Variants in ENOX1 observed in about 807,000 individuals in gnomAD.
ENOX1 encodes ecto-NOX disulfide-thiol exchanger 1, also known as candidate growth-related and time keeping constitutive hydroquinone (NADH) oxidase.
In ENOX1, 42 loss-of-function variants were observed where a neutral mutation model predicts 82.5. That is an observed-to-expected ratio of 0.51 (90% CI 0.40 to 0.66). The LOEUF (loss-of-function observed/expected upper bound fraction) is 0.66, where lower values mean the gene tolerates loss of function less well. ENOX1 is among the 30% of genes least tolerant of loss of function. The pLI is 0.00. For missense variants in ENOX1, 608 were observed against 811.6 expected (o/e 0.75, Z 3.05); for synonymous variants, 271 against 282.2 (o/e 0.96, Z 0.40).
chr13:43,775,126 GC>G (rs1951840606), intron 1 of ENOX1, among the ~76,000 whole-genome samples: 1 of 152,050 alleles, frequency 6.6e-6, no homozygotes, highest in Non-Finnish European at 1.5e-5. Flanking sequence ...AGGATTACAG[GC>G]CTGAGCCACC....
intron 3 of ENOX1, among the ~76,000 whole-genome samples, chr13:43,436,034 T>A (rs1460081476): frequency 6.6e-6 from 1 of 152,138 alleles, no homozygotes; most frequent in Non-Finnish European, 1.5e-5. Context: ...ATCGGGAGCG[T>A]TGGAGGCTGC....
At chr13:43,721,114 T>C (rs1479241830) in intron 1 of ENOX1, among the ~76,000 whole-genome samples, 1 of 151,984 alleles carries the variant, frequency 6.6e-6, no homozygotes, top group Non-Finnish European at 1.5e-5. Flanking sequence ...AGAAGTGAAA[T>C]AAAAACAACT....
At chr13:43,616,186 C>CTAGATAGATATATATA (rs1566642235) in intron 2 of ENOX1, among the ~76,000 whole-genome samples, 1 of 6,972 alleles carries the variant, frequency 1.4e-4, no homozygotes, top group Admixed American at 3.8e-3. Context: ...ATCTATCTAT[C>CTAGATAGATATATATA]TATATATATA....
At chr13:43,727,116 T>G (rs1188586739) in intron 1 of ENOX1, among the ~76,000 whole-genome samples, 1 of 152,190 alleles carries the variant, frequency 6.6e-6, no homozygotes, top group Non-Finnish European at 1.5e-5. Context: ...GTGCTGGTAC[T>G]GAATTTCCAG....
chr13:43,295,335 T>C (rs2046229310), intron 12 of ENOX1, among the ~76,000 whole-genome samples: 1 of 152,170 alleles, frequency 6.6e-6, no homozygotes, highest in Admixed American at 6.5e-5. Context: ...GTATGAAACC[T>C]TTCATATTAT....
chr13:43,339,227 G>T (rs775051737), intron 9 of ENOX1, among the ~76,000 whole-genome samples: 1 of 152,306 alleles, frequency 6.6e-6, no homozygotes, highest in East Asian at 1.9e-4. Flanking sequence ...GACTTGTGAC[G>T]TTTTTCAAAC....
At position 43,725,999 on chromosome 13, in the gene ENOX1, C is replaced by A. The variant is rs141947396; in HGVS notation, c.-284-58455G>T. 1.7e-3 allele frequency among the ~76,000 whole-genome samples: 256 copies of A among 151,728 alleles called. 1 individual carries two copies. The highest frequency in any genetic ancestry group is 0.014 in the East Asian group (73 of 5,154). ...AAAAAGGTTCTGATTATCTTACTTT[C>A]TTTGGTAACCAGATACAGTCTCAGG... On this transcript the variant is annotated intron_variant, in intron 1 of 16. Coordinates refer to ENST00000690772, the MANE Select transcript of ENOX1 (RefSeq NM_001347969.2).
chr13:43,447,761 A>G (rs2056737929), intron 3 of ENOX1, among the ~76,000 whole-genome samples: 2 of 152,182 alleles, frequency 1.3e-5, no homozygotes, highest in African/African-American at 4.8e-5. Context: ...GTAGTTTTGA[A>G]GTTATATTTT....
intron 1 of ENOX1, among the ~76,000 whole-genome samples, chr13:43,761,348 C>A (rs557925015): frequency 6.6e-6 from 1 of 152,136 alleles, no homozygotes; most frequent in Non-Finnish European, 1.5e-5. Context: ...AAGAAAATAC[C>A]CTCATGTTTC....
chr13:43,421,531 T>C (rs982077433), intron 3 of ENOX1, among the ~76,000 whole-genome samples: 2 of 152,178 alleles, frequency 1.3e-5, no homozygotes, highest in East Asian at 3.8e-4. Flanking sequence ...ATAAAATCAC[T>C]GAACTTTTTC....
At chr13:43,773,470 C>G (rs2153837393) in intron 1 of ENOX1, among the ~76,000 whole-genome samples, 1 of 152,290 alleles carries the variant, frequency 6.6e-6, no homozygotes, top group East Asian at 1.9e-4. Flanking sequence ...GGGTCCTAAC[C>G]TCCACCTCAG....
At chr13:43,249,408 A>G (rs889643601) in intron 14 of ENOX1, among the ~76,000 whole-genome samples, 7 of 152,210 alleles carry the variant, frequency 4.6e-5, no homozygotes, top group African/African-American at 1.7e-4. Context: ...TCCTCAACCA[A>G]TAAAACTAGA....
At position 43,346,553 on chromosome 13, in the gene ENOX1, C is replaced by T. The variant is rs1027128943; in HGVS notation, c.824-1803G>A. On this transcript the variant is annotated intron_variant, in intron 8 of 16. Coordinates refer to ENST00000690772, the MANE Select transcript of ENOX1 (RefSeq NM_001347969.2). The stretch of plus-strand genomic sequence containing the variant: ...ACACACTTACTGAGTATCGTAGCCA[C>T]TTATACCATTTTGTTAACTCTGGAA... Among the ~76,000 whole-genome samples, 41 of 152,210 alleles carry T rather than the reference C, an allele frequency of 2.7e-4. 1 individual carries two copies. The highest frequency in any genetic ancestry group is 1.5e-5 in the Non-Finnish European group (1 of 68,042).
At chr13:43,336,209 G>A (rs1193694193) in intron 9 of ENOX1, among the ~76,000 whole-genome samples, 22 of 152,188 alleles carry the variant, frequency 1.4e-4, no homozygotes, top group Admixed American at 1.4e-3. Flanking sequence ...ATGTTCCTAA[G>A]AAGTAAATGA....
At chr13:43,451,915 T>C (rs13378979) in intron 3 of ENOX1, among the ~76,000 whole-genome samples, 20,945 of 152,124 alleles carry the variant, frequency 0.14, 1,712 homozygotes, top group Non-Finnish European at 0.19. Flanking sequence ...ATAGATTATA[T>C]CAGATGGGGA....
chr13:43,504,801 C>T lies in ENOX1; in HGVS notation c.-218-20649G>A, dbSNP rs752015195. Among the ~76,000 whole-genome samples, 133 of 151,182 alleles carry T rather than the reference C, an allele frequency of 8.8e-4. 1 individual carries two copies. Among genetic ancestry groups the T allele is most frequent in the Non-Finnish European group, 1.7e-3 (113 of 67,622 alleles). On this transcript the variant is annotated intron_variant, in intron 2 of 16. Transcript: ENST00000690772. ...AAAATTTGCAGTGACATTATTTGCT[C>T]GATCTTATGTTAAATGTTCTTACTG...
intron 13 of ENOX1, among the ~76,000 whole-genome samples, chr13:43,267,958 T>TA (rs1363162714): frequency 1.3e-5 from 2 of 152,216 alleles, no homozygotes; most frequent in South Asian, 2.1e-4. Flanking sequence ...CTCTTTTTTT[T>TA]AAAATAATGG....
At chr13:43,760,502 G>A (rs770343943) in intron 1 of ENOX1, among the ~76,000 whole-genome samples, 2 of 151,952 alleles carry the variant, frequency 1.3e-5, no homozygotes, top group African/African-American at 2.4e-5. Flanking sequence ...GGAACCCAAC[G>A]TGTGCATGTT....
intron 3 of ENOX1, among the ~76,000 whole-genome samples, chr13:43,478,913 C>T (rs2325041): frequency 0.039 from 4,400 of 111,776 alleles, 226 homozygotes; most frequent in African/African-American, 0.12. Flanking sequence ...TATTATATTA[C>T]GGTAAAAGCC....
Sources: gnomAD v4.1 joint callset for allele counts (sites outside exome capture counted in the v4.1 genomes callset) on GRCh38, gnomAD v4.1.1 for gene constraint, MANE v1.5 for transcripts, NCBI Gene and HGNC (gene_info 2026-07-23, HGNC 2026-07-21) for gene names.